CEP350: variants seen among roughly 807,000 people sequenced by gnomAD.
CEP350 encodes the protein centrosomal protein 350.
CEP350 carries 126 observed loss-of-function variants against 331.8 expected under a neutral mutation model. The ratio of observed to expected loss-of-function variants is 0.38; its 90% CI spans 0.33 to 0.44. CEP350 has a LOEUF of 0.44. Among genes scored for constraint, CEP350 ranks in the 20% least tolerant of loss-of-function variants. The pLI is 1.00. For missense variants in CEP350, 3,406 were observed against 3,634.6 expected (o/e 0.94, Z 1.62); for synonymous variants, 1,200 against 1,259.5 (o/e 0.95, Z 1.00).
Position 180,012,043 on chromosome 1 carries a change from A to T in CEP350, c.1361A>T (p.Asp454Val). Residue 454 changes from aspartate to valine, a missense_variant, in exon 9 of 38, where the codon GAC (aspartate) becomes GTC (valine). Asp to Val is a radical substitution (Grantham distance 152). Around this residue, in one of 5 missense-constraint regions of CEP350, gnomAD observed 1,857 missense variants for 1,909.2 expected, o/e 0.97. Transcript: ENST00000367607. ...AAAGAGCAAAGAACAGCATCAAGTGACAGAGGTGGAAGAGAAAGAACTGCT... is the reference window on the plus strand; with the variant it reads ...AAAGAGCAAAGAACAGCATCAAGTGTCAGAGGTGGAAGAGAAAGAACTGCT... ...EPKEQRTASS[D>V]RGGRERTAKS... 1 of 1,570,540 alleles carries T rather than the reference A, an allele frequency of 6.4e-7. No homozygotes were observed. The highest frequency in any genetic ancestry group is 8.6e-7 in the Non-Finnish European group (1 of 1,157,390).
At chr1:180,001,015 A>G (rs1370975423) in intron 6 of CEP350, among the ~76,000 whole-genome samples, 1 of 152,192 alleles carries the variant, frequency 6.6e-6, no homozygotes, top group African/African-American at 2.4e-5. Context: ...ACTATTAGAC[A>G]TGTAATTAAT....
rs372637506 is a variant in CEP350 at position 180,093,846 on chromosome 1, G to T, written c.7741G>T (p.Asp2581Tyr). Reference protein sequence around the residue: ...DDYVDINEDEDCYSDERYQCY... With the variant: ...DDYVDINEDEYCYSDERYQCY... ...CTATGTAGACATTAATGAAGATGAAGACTGTTACTCAGATGAACGATATCA... is the reference window on the plus strand; with the variant it reads ...CTATGTAGACATTAATGAAGATGAATACTGTTACTCAGATGAACGATATCA... Residue 2581 changes from aspartate (D) to tyrosine (Y), a missense_variant, in exon 34 of 38, where the codon GAC (aspartate) becomes TAC (tyrosine). Around this residue, in one of 5 missense-constraint regions of CEP350, gnomAD observed 1,415 missense variants for 1,512.3 expected, o/e 0.94. Transcript: ENST00000367607. The T allele has an allele frequency of 3.1e-6, 5 of 1,613,696 alleles. No homozygotes were observed. The African/African-American group carries it at 5.3e-5, about 17-fold the overall frequency.
intron 27 of CEP350, among the ~76,000 whole-genome samples, chr1:180,066,865 A>G (rs1658575658): frequency 6.6e-6 from 1 of 152,190 alleles, no homozygotes; most frequent in Non-Finnish European, 1.5e-5. Flanking sequence ...ATAGATTTTT[A>G]TCACTAATTT....
chr1:180,036,936 CT>C lies in CEP350; in HGVS notation c.3961del (p.Ser1321LeufsTer16). The C allele has an allele frequency of 6.4e-7, 1 of 1,572,696 alleles. No individual in the cohort carries two copies. Among genetic ancestry groups the C allele is most frequent in the Non-Finnish European group, 8.6e-7 (1 of 1,161,700 alleles). On this transcript the variant is annotated frameshift_variant, in exon 17 of 38. Transcript: ENST00000367607. LOFTEE classifies it high-confidence loss of function. ...TGTCATGCCTTCCAGGTTCTAAGCG[CT>C]TTTCTCCTGCTGGCCTCCATCATCG... ...NMAPIPGSKR[F>X]SPAGLHHRMA...
chr1:180,028,664 C>T (rs868852900), intron 14 of CEP350, among the ~76,000 whole-genome samples: 3 of 151,874 alleles, frequency 2.0e-5, no homozygotes, highest in Middle Eastern at 6.8e-3. Context: ...ATTATCCAGG[C>T]GTGGTGGCGC....
intron 21 of CEP350, among the ~76,000 whole-genome samples, chr1:180,044,759 A>G (rs991349641): frequency 6.6e-6 from 1 of 151,602 alleles, no homozygotes; most frequent in African/African-American, 2.4e-5. Context: ...GCACACCAAC[A>G]TGGCACATGT....
rs1452644992 is a variant in CEP350 at position 180,107,829 on chromosome 1, A to AC, written c.9190-3168_9190-3167insC. Among the ~76,000 whole-genome samples, 3 of 130,500 alleles carry AC rather than the reference A, an allele frequency of 2.3e-5. No homozygotes were observed. The Admixed American group carries it at 2.7e-4, about 12-fold the overall frequency. 85.6% of individuals were successfully genotyped at this position (130,500 alleles called of 152,430 possible). On this transcript the variant is annotated intron_variant, in intron 37 of 37. Transcript: ENST00000367607. Reference sequence around the variant, plus strand: ...TACCCTGTCCCCTCCTCTGCTCCCAAAAAAACAAAACAAAACAAAACAAAA... The same window carrying AC: ...TACCCTGTCCCCTCCTCTGCTCCCAACAAAAACAAAACAAAACAAAACAAAA...
At chr1:180,036,859 C>G in intron 16 of CEP350, 67 bp from the exon 17 acceptor site, 1 of 1,414,518 alleles carries the variant, frequency 7.1e-7, no homozygotes, top group Non-Finnish European at 9.3e-7. Context: ...CTTAAAATGA[C>G]AGATTTTAGA....
At chr1:179,969,231 A>G in intron 1 of CEP350, 1 of 522,026 alleles carries the variant, frequency 1.9e-6, no homozygotes, top group Non-Finnish European at 3.7e-6. Flanking sequence ...GTCATGCCTG[A>G]TCTCTACTTC....
At chr1:179,959,366 A>G (rs1454501068) in intron 1 of CEP350, among the ~76,000 whole-genome samples, 2 of 152,322 alleles carry the variant, frequency 1.3e-5, no homozygotes, top group Middle Eastern at 3.4e-3. Flanking sequence ...AGGCAGGAGA[A>G]TTGCTTGAAC....
At position 180,020,062 on chromosome 1, in the gene CEP350, T is replaced by G. The variant is rs895075401; in HGVS notation, c.2288T>G (p.Leu763Trp). Reference sequence around the variant, plus strand: ...GCTGGAAGTTTACTCTCCCATCTCTTGAGTTTAGAGCATGTAGGAATTTTG... The same window carrying G: ...GCTGGAAGTTTACTCTCCCATCTCTGGAGTTTAGAGCATGTAGGAATTTTG... Reference protein sequence around the residue: ...GTAGSLLSHLLSLEHVGILHK... With the variant: ...GTAGSLLSHLWSLEHVGILHK... Residue 763 changes from leucine (L) to tryptophan (W), a missense_variant, in exon 12 of 38, where the codon TTG (leucine) becomes TGG (tryptophan). Leu to Trp is a moderately conservative substitution (Grantham distance 61, BLOSUM62 -2). Around this residue, in one of 5 missense-constraint regions of CEP350, gnomAD observed 1,857 missense variants for 1,909.2 expected, o/e 0.97. Transcript: ENST00000367607. 12 of 1,613,986 alleles carry G rather than the reference T, an allele frequency of 7.4e-6. No individual in the cohort carries two copies. Among genetic ancestry groups the G allele is most frequent in the Non-Finnish European group, 9.3e-6 (11 of 1,179,888 alleles).
chr1:180,028,754 T>C (rs1655830939), intron 14 of CEP350, among the ~76,000 whole-genome samples: 1 of 151,840 alleles, frequency 6.6e-6, no homozygotes, highest in Non-Finnish European at 1.5e-5. Flanking sequence ...CAGTGAGCCA[T>C]GATCATGCTA....
intron 37 of CEP350, among the ~76,000 whole-genome samples, chr1:180,108,372 G>C (rs1485574863): frequency 3.9e-5 from 6 of 152,162 alleles, no homozygotes; most frequent in African/African-American, 1.4e-4. Flanking sequence ...CATGGCTCAT[G>C]CCTGTAATCC....
chr1:180,043,670 A>G (rs1280995974), intron 20 of CEP350, among the ~76,000 whole-genome samples: 3 of 152,238 alleles, frequency 2.0e-5, no homozygotes, highest in Non-Finnish European at 4.4e-5. Flanking sequence ...GGATCAGATC[A>G]AGGTATAGGA....
Position 180,033,978 on chromosome 1 carries a change from C to T in CEP350, c.3842C>T (p.Ser1281Leu), listed in dbSNP as rs367681220. 1.9e-5 allele frequency: 30 copies of T among 1,613,860 alleles called. No homozygotes were observed. In the African/African-American group the frequency reaches 3.9e-4, roughly 21 times the overall value. ...AGTSSERSKS[S>L]VMPPTITGFK... ...ACTTCTTCAGAAAGATCTAAGTCGTCAGTAATGCCTCCAACTATAACAGGA... is the reference window on the plus strand; with the variant it reads ...ACTTCTTCAGAAAGATCTAAGTCGTTAGTAATGCCTCCAACTATAACAGGA... Residue 1281 changes from serine (S) to leucine (L), a missense_variant, in exon 16 of 38, where the codon TCA becomes TTA. Coordinates refer to ENST00000367607, the MANE Select transcript of CEP350 (RefSeq NM_014810.5).
At chr1:180,023,070 G>C (rs905299935) in intron 13 of CEP350, among the ~76,000 whole-genome samples, 5 of 152,108 alleles carry the variant, frequency 3.3e-5, no homozygotes, top group African/African-American at 1.2e-4. Flanking sequence ...ATATTACTTA[G>C]CCTTCCTATG....
rs1211240848 is a variant in CEP350, at chr1:179,996,832, G to A, written c.675G>A (p.Met225Ile). ...CTTCTATGAGAACTGAGGAAGAAAT[G>A]CCTAACAGAACAAAAGGAAGTGAGA... The part of the protein sequence containing the change: ...MGASMRTEEE[M>I]PNRTKGSENN... The change falls in exon 6 of 38, where the codon ATG becomes ATA. Residue 225 changes from methionine (M) to isoleucine (I), a missense_variant. By Grantham distance (10) the Met-to-Ile change is conservative. This residue lies in a region of CEP350 where 1,857 missense variants were observed against 1,909.2 expected (regional missense o/e 0.97). Transcript: ENST00000367607. 3.1e-6 allele frequency: 5 copies of A among 1,613,522 alleles called. No individual in the cohort carries two copies. Among genetic ancestry groups the A allele is most frequent in the Admixed American group, 1.7e-5 (1 of 59,978 alleles).
chr1:180,049,236 T>G (rs567207710), intron 22 of CEP350, among the ~76,000 whole-genome samples: 5 of 152,320 alleles, frequency 3.3e-5, no homozygotes, highest in African/African-American at 1.2e-4. Context: ...GTGTTTCTAA[T>G]TAAAGCATAT....
intron 27 of CEP350, among the ~76,000 whole-genome samples, chr1:180,068,989 C>A (rs2149036510): frequency 6.6e-6 from 1 of 152,138 alleles, no homozygotes; most frequent in Non-Finnish European, 1.5e-5. Context: ...ACTATGTGGC[C>A]CAGGATAGGG....
Sources: gnomAD v4.1 joint callset for allele counts (sites outside exome capture counted in the v4.1 genomes callset) on GRCh38, gnomAD v4.1.1 for gene constraint, gnomAD v4.1.1 regional missense constraint, MANE v1.5 for transcripts, NCBI Gene and HGNC (gene_info 2026-07-23, HGNC 2026-07-21) for gene names.